CSRNP3: variants seen among roughly 807,000 people sequenced by gnomAD.
CSRNP3 encodes cysteine and serine rich nuclear protein 3, also known as cysteine/serine-rich nuclear protein 3.
Under a neutral mutation model 48.0 loss-of-function variants are expected in CSRNP3, and 12 were observed. That is an observed-to-expected ratio of 0.25 (90% CI 0.16 to 0.41). The LOEUF (loss-of-function observed/expected upper bound fraction) is 0.41, where lower values mean the gene tolerates loss of function less well. CSRNP3 is among the 10% of genes least tolerant of loss of function. The pLI, the probability that CSRNP3 is intolerant of heterozygous loss-of-function variation, is 1.00. For missense variants in CSRNP3, 580 were observed against 724.4 expected (o/e 0.80, Z 2.29); for synonymous variants, 263 against 269.7 (o/e 0.98, Z 0.24).
At chr2:165,637,424 GA>G (rs1358296395) in intron 4 of CSRNP3, among the ~76,000 whole-genome samples, 1 of 152,166 alleles carries the variant, frequency 6.6e-6, no homozygotes, top group Non-Finnish European at 1.5e-5. Flanking sequence ...AATGGAGATG[GA>G]GCTATTAGTG....
At chr2:165,616,542 TTAAC>T (rs1686247802) in intron 4 of CSRNP3, among the ~76,000 whole-genome samples, 2 of 152,222 alleles carry the variant, frequency 1.3e-5, no homozygotes, top group Admixed American at 6.5e-5. Flanking sequence ...TGAGTTATTT[TTAAC>T]TAACTTTTTA....
At chr2:165,632,655 A>G (rs1686558547) in intron 4 of CSRNP3, among the ~76,000 whole-genome samples, 1 of 152,258 alleles carries the variant, frequency 6.6e-6, no homozygotes, top group African/African-American at 2.4e-5. Flanking sequence ...TTTTATGTTT[A>G]AATAGAGTCT....
chr2:165,484,670 A>G (rs912257516), intron 1 of CSRNP3, among the ~76,000 whole-genome samples: 5 of 152,212 alleles, frequency 3.3e-5, no homozygotes, highest in African/African-American at 1.2e-4. Context: ...AATGTTCATA[A>G]TAACTGTCTT....
chr2:165,663,765 TCTCTTCC>T (rs1452099944), intron 5 of CSRNP3, among the ~76,000 whole-genome samples: 52 of 152,176 alleles, frequency 3.4e-4, no homozygotes, highest in African/African-American at 1.3e-3. Context: ...ATTGTGTACT[TCTCTTCC>T]CAATGGTAGC....
rs999427771 is a variant in CSRNP3 at position 165,683,542 on chromosome 2, C to G, written c.*3789C>G. 2.0e-5 allele frequency: 3 copies of G among 152,070 alleles called. No individual in the cohort carries two copies. The highest frequency in any genetic ancestry group is 2.9e-5 in the Non-Finnish European group (2 of 67,990). The allele number at this position is 152,070 out of a possible 1,614,324, so 9.4% of individuals were successfully genotyped here. A position where few individuals can be genotyped will look rare whatever the true frequency, so the allele number is the denominator to read the frequency against. On this transcript the variant is annotated 3_prime_UTR_variant, in exon 7 of 7. Transcript: ENST00000651982. ...ACATACCATGATTTACTTTCTATAACTTGCTAATCACTGTTTCTTTTATTT... is the reference window on the plus strand; with the variant it reads ...ACATACCATGATTTACTTTCTATAAGTTGCTAATCACTGTTTCTTTTATTT...
In CSRNP3 at chr2:165,681,750, TATATATATATACACAC is replaced by T. The variant is rs1208924682; in HGVS notation, c.*1999_*2014del. ...ACATATATATATATATATATATATA[TATATATATATACACAC>T]ACACACACACATACACATATATATA... On this transcript the variant is annotated 3_prime_UTR_variant, in exon 7 of 7. Coordinates refer to ENST00000651982, the MANE Select transcript of CSRNP3 (RefSeq NM_001172173.2). 1 of 92,942 alleles carries T rather than the reference TATATATATATACACAC, an allele frequency of 1.1e-5. No homozygotes were observed. The highest frequency in any genetic ancestry group is 3.5e-5 in the African/African-American group (1 of 28,256). 5.8% of individuals were successfully genotyped at this position (92,942 alleles called of 1,614,324 possible). A position where few individuals can be genotyped will look rare whatever the true frequency, so the allele number is the denominator to read the frequency against.
intron 4 of CSRNP3, among the ~76,000 whole-genome samples, chr2:165,632,827 A>G (rs1212796708): frequency 1.3e-5 from 2 of 152,224 alleles, no homozygotes; most frequent in South Asian, 2.1e-4. Flanking sequence ...CATGGGCTAC[A>G]TGACTTACCA....
chr2:165,477,504 A>AATATATATATATATATAT (rs35294627), intron 1 of CSRNP3, among the ~76,000 whole-genome samples: 7 of 132,198 alleles, frequency 5.3e-5, no homozygotes, highest in African/African-American at 2.0e-4. Flanking sequence ...ATATAATACA[A>AATATATATATATATATAT]ATATATATAT....
chr2:165,587,168 T>C (rs1685646488), intron 3 of CSRNP3, among the ~76,000 whole-genome samples: 1 of 152,240 alleles, frequency 6.6e-6, no homozygotes. Flanking sequence ...AAATCATATA[T>C]GTTAGTGAAG....
chr2:165,674,898 A>C (rs1160827217), intron 5 of CSRNP3, among the ~76,000 whole-genome samples: 1 of 151,436 alleles, frequency 6.6e-6, no homozygotes, highest in African/African-American at 2.4e-5. Flanking sequence ...TTTTTGATAG[A>C]GATGGGGTTT....
intron 4 of CSRNP3, among the ~76,000 whole-genome samples, chr2:165,632,341 G>A (rs537826093): frequency 2.6e-5 from 4 of 152,146 alleles, no homozygotes; most frequent in Non-Finnish European, 5.9e-5. Flanking sequence ...GGGCAACAGA[G>A]CAAGACACTG....
chr2:165,536,757 A>T (rs547862697), intron 3 of CSRNP3, among the ~76,000 whole-genome samples: 1 of 152,054 alleles, frequency 6.6e-6, no homozygotes, highest in Admixed American at 6.6e-5. Context: ...GTAATATTTA[A>T]TCACAACCCA....
intron 3 of CSRNP3, among the ~76,000 whole-genome samples, chr2:165,550,461 A>C (rs1303447687): frequency 2.0e-5 from 3 of 152,184 alleles, no homozygotes; most frequent in Non-Finnish European, 4.4e-5. Context: ...AACAGTTTAG[A>C]ATTAGCTAAG....
intron 3 of CSRNP3, among the ~76,000 whole-genome samples, chr2:165,537,760 A>G (rs1684900004): frequency 6.6e-6 from 1 of 151,600 alleles, no homozygotes; most frequent in South Asian, 2.1e-4. Flanking sequence ...CCCTTTCTCT[A>G]CACTCCCATT....
intron 3 of CSRNP3, among the ~76,000 whole-genome samples, chr2:165,578,404 A>G (rs559939955): frequency 6.6e-6 from 1 of 152,172 alleles, no homozygotes; most frequent in Admixed American, 6.5e-5. Flanking sequence ...ATCGTCAACC[A>G]CCATTTCTTT....
intron 4 of CSRNP3, among the ~76,000 whole-genome samples, chr2:165,616,901 A>G (rs987044232): frequency 6.6e-5 from 10 of 152,048 alleles, no homozygotes; most frequent in East Asian, 1.9e-4. Flanking sequence ...CAAAAGACCT[A>G]TCTTCAAGTT....
At chr2:165,676,676 T>C in intron 6 of CSRNP3, 68 bp downstream of exon 6, 1 of 1,435,336 alleles carries the variant, frequency 7.0e-7, no homozygotes, top group Non-Finnish European at 9.6e-7. Context: ...GAGGCAGTCA[T>C]GGTACCTATA....
intron 3 of CSRNP3, among the ~76,000 whole-genome samples, chr2:165,543,620 G>A (rs1197145280): frequency 6.6e-6 from 1 of 151,810 alleles, no homozygotes; most frequent in African/African-American, 2.4e-5. Flanking sequence ...AAGGAATGTA[G>A]AAGTTGGTTA....
At chr2:165,549,173 G>A (rs1685067783) in intron 3 of CSRNP3, among the ~76,000 whole-genome samples, 1 of 151,980 alleles carries the variant, frequency 6.6e-6, no homozygotes, top group African/African-American at 2.4e-5. Flanking sequence ...GATTCATATT[G>A]TGAAGATGAT....
Sources: allele counts gnomAD v4.1 joint callset (sites outside exome capture counted in the v4.1 genomes callset), GRCh38; gene constraint gnomAD v4.1.1; transcripts MANE v1.5; gene names NCBI Gene and HGNC (gene_info 2026-07-23, HGNC 2026-07-21).